Variants in SHOX2 observed in about 807,000 individuals in gnomAD.
SHOX2 encodes the protein short stature homeobox protein 2.
A neutral mutation model predicts 31.3 loss-of-function variants in SHOX2; 13 were observed. That is an observed-to-expected ratio of 0.42 (90% CI 0.27 to 0.66). SHOX2 has a LOEUF of 0.66. Among genes scored for constraint, SHOX2 ranks in the 30% least tolerant of loss-of-function variants. The probability of loss-of-function intolerance (pLI) is 0.27; values close to 1 mark genes in which losing one functional copy is unlikely to be tolerated. For synonymous variants in SHOX2, 244 were observed against 196.2 expected, an observed-to-expected ratio of 1.24 and a Z score of -2.04; for missense variants, 473 against 443.0, an observed-to-expected ratio of 1.07 and a Z score of -0.61.
rs1713779067 is a variant in SHOX2 at position 158,105,023 on chromosome 3, TCCCCCGCCGCCCCCCC to T, written c.346+640_346+655del. 24 of 206,106 alleles carry T rather than the reference TCCCCCGCCGCCCCCCC, an allele frequency of 1.2e-4. 1 individual carries two copies. The highest frequency in any genetic ancestry group is 1.8e-4 in the Non-Finnish European group (20 of 111,238). 12.8% of individuals were successfully genotyped at this position (206,106 alleles called of 1,614,324 possible). A position where few individuals can be genotyped will look rare whatever the true frequency, so the allele number is the denominator to read the frequency against. On this transcript the variant is annotated intron_variant, in intron 1 of 4. Coordinates refer to ENST00000483851, the MANE Select transcript of SHOX2 (RefSeq NM_001163678.2). ...AATTGTGTAAATATAGATCCCCACC[TCCCCCGCCGCCCCCCC>T]CCCCCGCCCCCAACACACCAAGAAA...
chr3:158,105,066 C>G (rs1348151681), intron 1 of SHOX2: 7 of 1,233,860 alleles, frequency 5.7e-6, no homozygotes, highest in Non-Finnish European at 7.7e-6. Flanking sequence ...ACCAAGAAAC[C>G]GAAACGCCTC....
At position 158,099,950 on chromosome 3, in the gene SHOX2, T is replaced by A; in HGVS notation, c.614-2A>T. 1.2e-6 allele frequency: 2 copies of A among 1,613,078 alleles called. No individual in the cohort carries two copies. The highest frequency in any genetic ancestry group is 4.5e-5 in the East Asian group (2 of 44,880). Reference sequence around the variant, plus strand: ...GGCTGGCGGCCCCTATGAGAACACCTGTAAAAAGTACAAGAGAAAAATAAT... The same window carrying A: ...GGCTGGCGGCCCCTATGAGAACACCAGTAAAAAGTACAAGAGAAAAATAAT... On this transcript the variant is annotated splice_acceptor_variant, in intron 3 of 4. Coordinates refer to ENST00000483851, the MANE Select transcript of SHOX2 (RefSeq NM_001163678.2). LOFTEE classifies it high-confidence loss of function.
intron 3 of SHOX2, 99 bp from the exon 4 acceptor site, chr3:158,100,047 G>C (rs903858250): frequency 8.3e-6 from 9 of 1,088,358 alleles, no homozygotes; most frequent in Non-Finnish European, 1.2e-5. Flanking sequence ...TTTGAAAATG[G>C]ACTATTATCT....
Position 158,102,872 on chromosome 3 carries a change from T to A in SHOX2, c.361A>T (p.Lys121Ter). Residue 121 changes from lysine to a stop codon, truncating the protein, a stop_gained, in exon 2 of 5, where the codon AAA (lysine) becomes TAA (stop). Transcript: ENST00000483851. LOFTEE classifies it high-confidence loss of function. ...CCTTTCGCATCCTCTTTGCGATCTT[T>A]CAGCTCCGGGGACACTGGAGGGGGC... ...PRLTEVSPELKDRKEDAKGME... is the reference protein window; with the variant it reads ...PRLTEVSPEL The A allele has an allele frequency of 6.2e-7, 1 of 1,614,002 alleles. No homozygotes were observed. Among genetic ancestry groups the A allele is most frequent in the Non-Finnish European group, 8.5e-7 (1 of 1,180,000 alleles).
intron 3 of SHOX2, 81 bp from the exon 4 acceptor site, chr3:158,100,029 C>T (rs531265570): frequency 2.1e-4 from 253 of 1,210,224 alleles, no homozygotes; most frequent in Non-Finnish European, 2.5e-4. Context: ...CAAGACAGAA[C>T]GAATTCCTTT....
intron 1 of SHOX2, chr3:158,103,655 C>T (rs1713660830): frequency 6.6e-6 from 1 of 152,308 alleles, no homozygotes; most frequent in Admixed American, 6.5e-5. Context: ...CCGCCCAAGC[C>T]GGGCCAGAAG....
intron 2 of SHOX2, among the ~76,000 whole-genome samples, chr3:158,101,609 T>C (rs1915939): frequency 0.89 from 135,113 of 151,784 alleles, 60,292 homozygotes; most frequent in East Asian, 1. Flanking sequence ...TTCCTGATCC[T>C]GTTACAAGAT....
intron 4 of SHOX2, 150 bp from the exon 5 acceptor site, chr3:158,098,434 G>A: frequency 2.2e-6 from 2 of 920,582 alleles, no homozygotes; most frequent in Non-Finnish European, 3.3e-6. Context: ...ATCTTGTTCC[G>A]ACAGTGACCT....
At position 158,101,039 on chromosome 3, in the gene SHOX2, A is replaced by G. The variant is rs560710636; in HGVS notation, c.556-728T>C. Among the ~76,000 whole-genome samples the G allele has an allele frequency of 2.6e-5, 4 of 152,372 alleles. No homozygotes were observed. The South Asian group carries it at 8.3e-4, about 32-fold the overall frequency. On this transcript the variant is annotated intron_variant, in intron 2 of 4. Transcript: ENST00000483851. ...TCAGCGAAAGGAGAATGAAGTATAT[A>G]TAAAGCAAGTAACTCTTAGGTACTT...
rs747874512 is a variant in SHOX2, at chr3:158,098,154, G to A, written c.833C>T (p.Ala278Val). Residue 278 changes from alanine (A) to valine (V), a missense_variant, in exon 5 of 5, where the codon GCC becomes GTC. By Grantham distance (64) the Ala-to-Val change is moderately conservative. Transcript: ENST00000483851. ...PPFGLPLATL[A>V]ADSASAASVV... ...CGAGGCGGCGGAAGCCGAATCCGCG[G>A]CCAGCGTGGCGAGCGGCAGTCCGAA... 1 of 1,613,416 alleles carries A rather than the reference G, an allele frequency of 6.2e-7. No individual in the cohort carries two copies. Among genetic ancestry groups the A allele is most frequent in the Non-Finnish European group, 8.5e-7 (1 of 1,179,646 alleles).
Position 158,096,904 on chromosome 3 carries a change from A to ATATATATG in SHOX2, c.*1122_*1123insCATATATA, listed in dbSNP as rs1713129225. The ATATATATG allele has an allele frequency of 2.0e-5, 2 of 102,142 alleles. No homozygotes were observed. The highest frequency in any genetic ancestry group is 6.2e-4 in the South Asian group (2 of 3,226). 6.3% of individuals were successfully genotyped at this position (102,142 alleles called of 1,614,324 possible). A position where few individuals can be genotyped will look rare whatever the true frequency, so the allele number is the denominator to read the frequency against. The stretch of plus-strand genomic sequence containing the variant: ...AGACAGGGCAAATATATATATATAT[A>ATATATATG]TATATATATATATATATATATATAT... On this transcript the variant is annotated 3_prime_UTR_variant, in exon 5 of 5. Coordinates refer to ENST00000483851, the MANE Select transcript of SHOX2 (RefSeq NM_001163678.2).
chr3:158,102,866 G>A lies in SHOX2; in HGVS notation c.367C>T (p.Arg123Cys). The change falls in exon 2 of 5, where the codon CGC (arginine) becomes TGC (cysteine). Residue 123 changes from arginine (R) to cysteine (C), a missense_variant. Arg to Cys is a radical substitution (Grantham distance 180). Coordinates refer to ENST00000483851, the MANE Select transcript of SHOX2 (RefSeq NM_001163678.2). ...LTEVSPELKD[R>C]KEDAKGMEDE... The stretch of plus-strand genomic sequence containing the variant: ...TCCATCCCTTTCGCATCCTCTTTGC[G>A]ATCTTTCAGCTCCGGGGACACTGGA... 3 of 1,613,952 alleles carry A rather than the reference G, an allele frequency of 1.9e-6. No homozygotes were observed. The highest frequency in any genetic ancestry group is 3.3e-5 in the Admixed American group (2 of 60,006).
intron 1 of SHOX2, chr3:158,105,033 C>CA: frequency 1.8e-4 from 2 of 10,932 alleles, no homozygotes; most frequent in Non-Finnish European, 3.9e-4. Flanking sequence ...TCCCCCGCCG[C>CA]CCCCCCCCCC....
At position 158,098,164 on chromosome 3, in the gene SHOX2, C is replaced by G; in HGVS notation, c.823G>C (p.Ala275Pro). 1 of 1,613,412 alleles carries G rather than the reference C, an allele frequency of 6.2e-7. No individual in the cohort carries two copies. Among genetic ancestry groups the G allele is most frequent in the Non-Finnish European group, 8.5e-7 (1 of 1,179,674 alleles). Residue 275 changes from alanine to proline, a missense_variant, in exon 5 of 5, where the codon GCC becomes CCC. Ala to Pro is a conservative substitution (Grantham distance 27). This residue lies in a region of SHOX2 where 182 missense variants were observed against 167.2 expected (regional missense o/e 1.09). Transcript: ENST00000483851. ...FPAPPFGLPL[A>P]TLAADSASAA... ...GAAGCCGAATCCGCGGCCAGCGTGG[C>G]GAGCGGCAGTCCGAAGGGCGGTGCT...
At position 158,100,248 on chromosome 3, in the gene SHOX2, G is replaced by A. The variant is rs1307357255; in HGVS notation, c.613+6C>T. 6.3e-7 allele frequency: 1 copy of A among 1,580,268 alleles called. No homozygotes were observed. The highest frequency in any genetic ancestry group is 1.8e-5 in the Admixed American group (1 of 55,220). On this transcript the variant is annotated splice_donor_region_variant and intron_variant, in intron 3 of 4. Coordinates refer to ENST00000483851, the MANE Select transcript of SHOX2 (RefSeq NM_001163678.2). Reference sequence around the variant, plus strand: ...CTATCAAATGTTCCTTGTATAAGAAGCATACCTTTATGGAGTTGATTTTCT... The same window carrying A: ...CTATCAAATGTTCCTTGTATAAGAAACATACCTTTATGGAGTTGATTTTCT...
Position 158,099,824 on chromosome 3 carries a change from A to G in SHOX2, c.702+36T>C, listed in dbSNP as rs374560439. ...TTCAAGCAAACATTCAGGTATTTTC[A>G]TATTTAAAAACAGCTTGAAACTAGG... On this transcript the variant is annotated intron_variant, in intron 4 of 4. Transcript: ENST00000483851. 8.9e-4 allele frequency: 1,324 copies of G among 1,481,844 alleles called. 1 individual carries two copies. The highest frequency in any genetic ancestry group is 2.0e-3 in the Admixed American group (118 of 58,808). The allele number at this position is 1,481,844 out of a possible 1,614,324, so 91.8% of individuals were successfully genotyped here.
Position 158,099,141 on chromosome 3 carries a change from G to C in SHOX2, c.702+719C>G, listed in dbSNP as rs73876844. Among the ~76,000 whole-genome samples the C allele has an allele frequency of 4.4e-3, 676 of 152,334 alleles. 6 individuals are homozygous for C. Among genetic ancestry groups the C allele is most frequent in the African/African-American group, 0.016 (649 of 41,548 alleles). ...ATGACATCACAGGCATGCCAAGCAG[G>C]GGTCCTGGCTGAGGATAGGGAAGGT... is the stretch of plus-strand genomic sequence containing the variant. On this transcript the variant is annotated intron_variant, in intron 4 of 4. Coordinates refer to ENST00000483851, the MANE Select transcript of SHOX2 (RefSeq NM_001163678.2).
Position 158,100,196 on chromosome 3 carries a change from T to C in SHOX2, c.613+58A>G, listed in dbSNP as rs1713410029. 8.2e-6 allele frequency: 11 copies of C among 1,333,482 alleles called. No individual in the cohort carries two copies. The South Asian group carries it at 1.3e-4, about 16-fold the overall frequency. 82.6% of individuals were successfully genotyped at this position (1,333,482 alleles called of 1,614,324 possible). The stretch of plus-strand genomic sequence containing the variant: ...TTTTTTTCTGTCATTGTAATAGTAA[T>C]ATTCACTACTTCTCTCTTTGCTCAG... On this transcript the variant is annotated intron_variant, in intron 3 of 4. Transcript: ENST00000483851.
rs896805103 is a variant in SHOX2, at chr3:158,097,413, T to A, written c.*614A>T. The A allele has an allele frequency of 6.6e-6, 1 of 152,170 alleles. No homozygotes were observed. The highest frequency in any genetic ancestry group is 6.5e-5 in the Admixed American group (1 of 15,282). 9.4% of individuals were successfully genotyped at this position (152,170 alleles called of 1,614,324 possible). A position where few individuals can be genotyped will look rare whatever the true frequency, so the allele number is the denominator to read the frequency against. ...TATACCTCTTCTTTCTGCTTTGCCT[T>A]CTTAGCGCATTTTTAAAAACACACA... On this transcript the variant is annotated 3_prime_UTR_variant, in exon 5 of 5. Coordinates refer to ENST00000483851, the MANE Select transcript of SHOX2 (RefSeq NM_001163678.2).
Sources: gnomAD v4.1 joint callset for allele counts (sites outside exome capture counted in the v4.1 genomes callset) on GRCh38, gnomAD v4.1.1 for gene constraint, gnomAD v4.1.1 regional missense constraint, MANE v1.5 for transcripts, NCBI Gene and HGNC (gene_info 2026-07-23, HGNC 2026-07-21) for gene names.